FRY: variants seen among roughly 807,000 people sequenced by gnomAD.
FRY encodes the protein FRY microtubule binding protein.
Under a neutral mutation model 348.4 loss-of-function variants are expected in FRY, and 128 were observed. The ratio of observed to expected loss-of-function variants is 0.37; its 90% CI spans 0.32 to 0.43. The LOEUF (loss-of-function observed/expected upper bound fraction) is 0.43. Among genes scored for constraint, FRY ranks in the 20% least tolerant of loss-of-function variants. The probability of loss-of-function intolerance (pLI) is 1.00; values close to 1 mark genes in which losing one functional copy is unlikely to be tolerated. For missense variants in FRY, 2,736 were observed against 3,695.2 expected (o/e 0.74, Z 6.73); for synonymous variants, 1,370 against 1,374.7 (o/e 1.00, Z 0.08).
chr13:32,073,519 T>G (rs1874810312), intron 1 of FRY, among the ~76,000 whole-genome samples: 1 of 152,000 alleles, frequency 6.6e-6, no homozygotes, highest in Non-Finnish European at 1.5e-5. Flanking sequence ...AGTCTGACAG[T>G]GTGGTATTTG....
At position 32,209,359 on chromosome 13, in the gene FRY, A is replaced by G. The variant is rs79339888; in HGVS notation, c.4276-226A>G. Among the ~76,000 whole-genome samples the G allele has an allele frequency of 1.2e-3, 188 of 152,344 alleles. 1 individual carries two copies. Among genetic ancestry groups the G allele is most frequent in the African/African-American group, 4.3e-3 (177 of 41,576 alleles). Reference sequence around the variant, plus strand: ...TTTAAGAATGATAATAAAAATAAAAATAAGCCTAATATTTAAAAAACTCAC... The same window carrying G: ...TTTAAGAATGATAATAAAAATAAAAGTAAGCCTAATATTTAAAAAACTCAC... On this transcript the variant is annotated intron_variant, in intron 32 of 60. Coordinates refer to ENST00000542859, the MANE Select transcript of FRY (RefSeq NM_023037.3).
intron 1 of FRY, among the ~76,000 whole-genome samples, chr13:32,043,711 C>A (rs1243107794): frequency 2.6e-5 from 4 of 152,104 alleles, no homozygotes; most frequent in African/African-American, 9.7e-5. Context: ...CAAAAAGCAG[C>A]GGCAAAGTCT....
At chr13:32,139,809 C>T (rs1879948469) in intron 11 of FRY, among the ~76,000 whole-genome samples, 1 of 151,936 alleles carries the variant, frequency 6.6e-6, no homozygotes. Context: ...ACATATTGTG[C>T]TATAAAAAAA....
chr13:32,268,497 AAAAAAAAAATATAT>A (rs1406464972), intron 55 of FRY, among the ~76,000 whole-genome samples: 6 of 15,446 alleles, frequency 3.9e-4, no homozygotes, highest in African/African-American at 9.0e-4. Flanking sequence ...AAAAAAAAAA[AAAAAAAAAATATAT>A]ATATATATAT....
At chr13:32,218,996 G>T (rs2138389182) in intron 36 of FRY, among the ~76,000 whole-genome samples, 165 bp downstream of exon 36, 1 of 138,624 alleles carries the variant, frequency 7.2e-6, no homozygotes, top group South Asian at 2.3e-4. Context: ...ATCCTCAAAA[G>T]TTAAAAAAAA....
intron 25 of FRY, 65 bp from the exon 26 acceptor site, chr13:32,184,911 A>G: frequency 7.3e-7 from 1 of 1,373,934 alleles, no homozygotes; most frequent in South Asian, 1.2e-5. Flanking sequence ...CTTAGTTTTC[A>G]TGAAGCCTGT....
chr13:32,150,665 A>AAG (rs978668551), intron 14 of FRY, among the ~76,000 whole-genome samples: 3 of 152,048 alleles, frequency 2.0e-5, no homozygotes, highest in Admixed American at 6.6e-5. Context: ...GGAAGGAAGA[A>AAG]AGAGAGAGAG....
In FRY at chr13:32,278,520, C is replaced by T. The variant is rs1191205416; in HGVS notation, c.8441C>T (p.Thr2814Ile). The T allele has an allele frequency of 1.3e-6, 2 of 1,591,108 alleles. No homozygotes were observed. The highest frequency in any genetic ancestry group is 3.3e-5 in the Admixed American group (2 of 59,968). Residue 2814 changes from threonine to isoleucine, a missense_variant, in exon 58 of 61, where the codon ACC becomes ATC. By Grantham distance (89) the Thr-to-Ile change is moderately conservative. Coordinates refer to ENST00000542859, the MANE Select transcript of FRY (RefSeq NM_023037.3). ...FAGGSRDGVITCQPGDSEEKQ... is the reference protein window; with the variant it reads ...FAGGSRDGVIICQPGDSEEKQ... ...GGGGGATCAAGAGATGGAGTAATTA[C>T]CTGTCAACCAGGGGACTCCGAAGAA...
chr13:32,161,025 T>C (rs1021080294), intron 16 of FRY, 119 bp from the exon 17 acceptor site: 1 of 739,734 alleles, frequency 1.4e-6, no homozygotes, highest in Non-Finnish European at 2.4e-6. Flanking sequence ...AATATGGAGC[T>C]AACACCAGGC....
At chr13:32,229,111 C>T (rs1885772902) in intron 40 of FRY, among the ~76,000 whole-genome samples, 1 of 152,156 alleles carries the variant, frequency 6.6e-6, no homozygotes, top group African/African-American at 2.4e-5. Flanking sequence ...TCCAAAGAGT[C>T]ATTTGTAAAA....
chr13:32,147,967 T>C lies in FRY; in HGVS notation c.1392+20T>C, dbSNP rs878893682. The C allele has an allele frequency of 3.8e-6, 5 of 1,313,932 alleles. No homozygotes were observed. Among genetic ancestry groups the C allele is most frequent in the Non-Finnish European group, 5.5e-6 (5 of 905,452 alleles). The allele number at this position is 1,313,932 out of a possible 1,614,324, so 81.4% of individuals were successfully genotyped here. A position where few individuals can be genotyped will look rare whatever the true frequency, so the allele number is the denominator to read the frequency against. On this transcript the variant is annotated intron_variant, in intron 13 of 60. Coordinates refer to ENST00000542859, the MANE Select transcript of FRY (RefSeq NM_023037.3). ...GCCCAGGTAATGGAGAAGATTCCGGTGGTGGGAATCTTCTGATGGTTTTTC... is the reference window on the plus strand; with the variant it reads ...GCCCAGGTAATGGAGAAGATTCCGGCGGTGGGAATCTTCTGATGGTTTTTC...
chr13:32,239,886 GC>G lies in FRY; in HGVS notation c.6687+6del. 4 of 1,610,502 alleles carry G rather than the reference GC, an allele frequency of 2.5e-6. No individual in the cohort carries two copies. The highest frequency in any genetic ancestry group is 3.4e-6 in the Non-Finnish European group (4 of 1,177,538). The stretch of plus-strand genomic sequence containing the variant: ...ATGGTTACCTACCTGGCAGAGGTAA[GC>G]TTTTTTTTTTTGTTTTTTGAGACAG... On this transcript the variant is annotated splice_donor_region_variant and intron_variant, in intron 46 of 60. Transcript: ENST00000542859. This position sits in a 1 kb window ranked among gnomAD's most constrained non-coding sequence, Gnocchi z 4.3.
At chr13:32,057,521 A>C (rs1873701081) in intron 1 of FRY, among the ~76,000 whole-genome samples, 1 of 152,164 alleles carries the variant, frequency 6.6e-6, no homozygotes, top group African/African-American at 2.4e-5. Context: ...CCTTTATGCT[A>C]ATAAGTAGCT....
intron 1 of FRY, among the ~76,000 whole-genome samples, chr13:32,034,793 C>G (rs544005940): frequency 5.2e-4 from 79 of 152,180 alleles, no homozygotes; most frequent in Non-Finnish European, 1.0e-3. Flanking sequence ...TCATGTTTTT[C>G]TGCTCCAGCC....
chr13:32,178,716 C>A, intron 21 of FRY, 128 bp from the exon 22 acceptor site: 1 of 748,302 alleles, frequency 1.3e-6, no homozygotes, highest in Non-Finnish European at 2.3e-6. Context: ...TGCAGATACT[C>A]TTTGAATAAC....
At position 32,239,482 on chromosome 13, in the gene FRY, A is replaced by G; in HGVS notation, c.6516+133A>G. ...GGAAATAATAACTAATATCACAGTA[A>G]TGGAAATATAGGGGTGGCTGATGCA... On this transcript the variant is annotated intron_variant, in intron 45 of 60. Transcript: ENST00000542859. The surrounding 1 kb of genome is among the most constrained non-coding windows in gnomAD (Gnocchi z 4.3). 4.1e-6 allele frequency: 3 copies of G among 738,388 alleles called. No individual in the cohort carries two copies. In the Admixed American group the frequency reaches 5.8e-5, roughly 14 times the overall value. 45.7% of individuals were successfully genotyped at this position (738,388 alleles called of 1,614,324 possible). A position where few individuals can be genotyped will look rare whatever the true frequency, so the allele number is the denominator to read the frequency against.
At chr13:32,217,846 GTTTTGT>G (rs1451141696) in intron 35 of FRY, among the ~76,000 whole-genome samples, 4 of 152,098 alleles carry the variant, frequency 2.6e-5, no homozygotes, top group Non-Finnish European at 4.4e-5. Flanking sequence ...TGTTGTTGTT[GTTTTGT>G]TTTTGTTTTT....
chr13:32,161,028 C>A (rs772024271), intron 16 of FRY, 116 bp from the exon 17 acceptor site: 87 of 749,452 alleles, frequency 1.2e-4, no homozygotes, highest in Non-Finnish European at 3.1e-5. Context: ...ATGGAGCTAA[C>A]ACCAGGCTGT....
chr13:32,231,904 T>C (rs967815055), intron 41 of FRY, among the ~76,000 whole-genome samples: 3 of 152,250 alleles, frequency 2.0e-5, no homozygotes, highest in African/African-American at 7.2e-5. Context: ...CTCTACCTTT[T>C]TTTCCTCACA....
Sources: allele counts gnomAD v4.1 joint callset (sites outside exome capture counted in the v4.1 genomes callset), GRCh38; gene constraint gnomAD v4.1.1; non-coding constraint Gnocchi (gnomAD v3.1); transcripts MANE v1.5; gene names NCBI Gene and HGNC (gene_info 2026-07-23, HGNC 2026-07-21).